Variants in PPP2R3B observed in about 807,000 individuals in gnomAD.
The protein encoded by PPP2R3B is serine/threonine-protein phosphatase 2A regulatory subunit B'' subunit beta.
A neutral mutation model predicts 72.9 loss-of-function variants in PPP2R3B; 68 were observed. The ratio of observed to expected loss-of-function variants is 0.93; its 90% confidence interval spans 0.77 to 1.14. The LOEUF (loss-of-function observed/expected upper bound fraction) is 1.14, where lower values mean the gene tolerates loss of function less well. Ranked by LOEUF, PPP2R3B falls within the 50% of genes most tolerant of loss-of-function variation. PPP2R3B has a pLI of 0.00. For missense variants in PPP2R3B, 1,018 were observed against 842.0 expected, an observed-to-expected ratio of 1.21 and a Z score of -2.59; for synonymous variants, 466 against 375.8, an observed-to-expected ratio of 1.24 and a Z score of -2.78.
At position 386,551 on chromosome X, in the gene PPP2R3B, C is replaced by T; in HGVS notation, c.141G>A (p.Pro47=). 2 of 1,432,996 alleles carry T rather than the reference C, an allele frequency of 1.4e-6. No homozygotes were observed. Among genetic ancestry groups the T allele is most frequent in the Non-Finnish European group, 1.8e-6 (2 of 1,090,988 alleles). The allele number at this position is 1,432,996 out of a possible 1,614,324, so 88.8% of individuals were successfully genotyped here. A position where few individuals can be genotyped will look rare whatever the true frequency, so the allele number is the denominator to read the frequency against. ...CGGGCTGCTCCCCGTCCCCCGGGGTCGGCTGGTCCCGCCCGGGCGCCTTGA... is the reference window on the plus strand; with the variant it reads ...CGGGCTGCTCCCCGTCCCCCGGGGTTGGCTGGTCCCGCCCGGGCGCCTTGA... ...RRIKAPGRDQ[P]TPGDGEQPGA... Residue 47 remains proline (P), a synonymous_variant, in exon 1 of 13, where the codon CCG becomes CCA. Transcript: ENST00000390665.
chrX:363,012 C>T (rs2071574579), intron 1 of PPP2R3B, among the ~76,000 whole-genome samples: 1 of 152,126 alleles, frequency 6.6e-6, no homozygotes, highest in East Asian at 1.9e-4. Flanking sequence ...CTGCAGGACC[C>T]TCACCCACGG....
chrX:344,010 C>T (rs1285639482), intron 7 of PPP2R3B, among the ~76,000 whole-genome samples: 1 of 139,324 alleles, frequency 7.2e-6, no homozygotes, highest in African/African-American at 2.7e-5. Context: ...AGGGAGACGT[C>T]GCCAAGGAGA....
chrX:346,098 G>GAA, intron 6 of PPP2R3B, 76 bp downstream of exon 6: 1 of 655,814 alleles, frequency 1.5e-6, no homozygotes, highest in Non-Finnish European at 2.3e-6. Flanking sequence ...GGAGGGGGGA[G>GAA]GAGGGAAGGG....
intron 6 of PPP2R3B, 28 bp from the exon 7 acceptor site, chrX:345,700 G>C: frequency 6.2e-7 from 1 of 1,609,038 alleles, no homozygotes; most frequent in East Asian, 2.2e-5. Context: ...CGGCCTGAGC[G>C]CGGGGCCTCT....
In PPP2R3B at chrX:346,262, T is replaced by G. The variant is rs1172842602; in HGVS notation, c.793-2A>C. ...GGCGTAGAAGATCCGCTGGATGACCTGCGGGGGCGCTGTCAGTGCGGTGGG... is the reference window on the plus strand; with the variant it reads ...GGCGTAGAAGATCCGCTGGATGACCGGCGGGGGCGCTGTCAGTGCGGTGGG... On this transcript the variant is annotated splice_acceptor_variant, in intron 5 of 12. Transcript: ENST00000390665. LOFTEE classifies it high-confidence loss of function. 17 of 1,563,510 alleles carry G rather than the reference T, an allele frequency of 1.1e-5. No individual in the cohort carries two copies. Among genetic ancestry groups the G allele is most frequent in the Non-Finnish European group, 1.5e-5 (17 of 1,155,890 alleles).
intron 1 of PPP2R3B, among the ~76,000 whole-genome samples, chrX:379,033 G>C (rs1350953182): frequency 1.1e-5 from 1 of 94,972 alleles, no homozygotes; most frequent in Non-Finnish European, 2.8e-5. Flanking sequence ...ATGCACCTGT[G>C]TGTGTGTATG....
At position 334,254 on chromosome X, in the gene PPP2R3B, T is replaced by G; in HGVS notation, c.*113A>C. 1 of 1,218,960 alleles carries G rather than the reference T, an allele frequency of 8.2e-7. No individual in the cohort carries two copies. The highest frequency in any genetic ancestry group is 1.1e-6 in the Non-Finnish European group (1 of 932,408). The allele number at this position is 1,218,960 out of a possible 1,614,324, so 75.5% of individuals were successfully genotyped here. On this transcript the variant is annotated 3_prime_UTR_variant, in exon 13 of 13. Transcript: ENST00000390665. ...ACACGCTTCTGTGAATAAATAAAAG[T>G]TTATCATTCCGTACAAACGCACTCA... is the stretch of plus-strand genomic sequence containing the variant.
chrX:362,987 C>A lies in PPP2R3B; in HGVS notation c.325-1397G>T, dbSNP rs186544157. Reference sequence around the variant, plus strand: ...TCCCACTGACAGCGCCTCAACTGTGCCCACCCTGCTGTCGCTGCAGGACCC... The same window carrying A: ...TCCCACTGACAGCGCCTCAACTGTGACCACCCTGCTGTCGCTGCAGGACCC... On this transcript the variant is annotated intron_variant, in intron 1 of 12. Transcript: ENST00000390665. Among the ~76,000 whole-genome samples, 469 of 152,174 alleles carry A rather than the reference C, an allele frequency of 3.1e-3. 3 individuals carry two copies. Among genetic ancestry groups the A allele is most frequent in the African/African-American group, 0.01 (428 of 41,512 alleles).
chrX:363,420 C>T (rs1200866316), intron 1 of PPP2R3B, among the ~76,000 whole-genome samples: 6 of 62,690 alleles, frequency 9.6e-5, no homozygotes, highest in East Asian at 5.1e-4. Context: ...AGTGCATCTC[C>T]CCGAGCCCGC....
chrX:347,819 C>G (rs937633728), intron 2 of PPP2R3B, 126 bp from the exon 3 acceptor site: 12 of 689,146 alleles, frequency 1.7e-5, no homozygotes, highest in Admixed American at 1.6e-4. Context: ...GCACGCTCAG[C>G]GCGGCCTGTC....
chrX:346,646 G>T (rs1343894966), intron 5 of PPP2R3B, 55 bp downstream of exon 5: 10 of 1,531,024 alleles, frequency 6.5e-6, no homozygotes, highest in Non-Finnish European at 8.9e-6. Context: ...GGCGGCCGCT[G>T]CAGAAACACC....
intron 5 of PPP2R3B, 108 bp from the exon 6 acceptor site, chrX:346,368 G>T: frequency 2.8e-6 from 3 of 1,081,242 alleles, no homozygotes; most frequent in Non-Finnish European, 1.3e-6. Context: ...TCAGCCGCAC[G>T]GGGCCGCCAG....
At chrX:363,430 C>T (rs2071593545) in intron 1 of PPP2R3B, among the ~76,000 whole-genome samples, 1 of 151,854 alleles carries the variant, frequency 6.6e-6, no homozygotes, top group African/African-American at 2.4e-5. Context: ...CCCGAGCCCG[C>T]GATCCCACAA....
rs748175892 is a variant in PPP2R3B at position 347,649 on chromosome X, G to A, written c.555C>T (p.Gly185=). 7.6e-5 allele frequency: 120 copies of A among 1,571,330 alleles called. No homozygotes were observed. Among genetic ancestry groups the A allele is most frequent in the African/African-American group, 1.6e-4 (12 of 73,990 alleles). Residue 185 remains glycine, a synonymous_variant, in exon 3 of 13, where the codon GGC becomes GGT. Coordinates refer to ENST00000390665, the MANE Select transcript of PPP2R3B (RefSeq NM_013239.5). ...PLYWKGPLFY[G]AGGERTGSVS... ...CGGAGCCCGTGCGCTCCCCGCCGGC[G>A]CCATAGAAGAGCGGCCCCTTCCAGT... is the stretch of plus-strand genomic sequence containing the variant.
At chrX:341,716 C>G (rs1414291379) in intron 8 of PPP2R3B, 167 bp downstream of exon 8, 1 of 794,306 alleles carries the variant, frequency 1.3e-6, no homozygotes, top group East Asian at 2.6e-5. Context: ...GCCACCCCCC[C>G]CCACTAGGGA....
chrX:347,352 G>A lies in PPP2R3B; in HGVS notation c.615-16C>T. On this transcript the variant is annotated splice_polypyrimidine_tract_variant and intron_variant, in intron 3 of 12. Transcript: ENST00000390665. ...CTGGAGGATTCTGGAAGGACAGGAT[G>A]ACTGGGCACCACCCTCACAGGGGGG... 6.2e-7 allele frequency: 1 copy of A among 1,611,692 alleles called. No individual in the cohort carries two copies. The highest frequency in any genetic ancestry group is 8.5e-7 in the Non-Finnish European group (1 of 1,177,974).
intron 1 of PPP2R3B, among the ~76,000 whole-genome samples, chrX:363,489 C>CATATCCACGAGTCCACG (rs2071597439): frequency 9.2e-4 from 2 of 2,182 alleles, no homozygotes; most frequent in African/African-American, 1.3e-3. Context: ...CCGAGCCCAG[C>CATATCCACGAGTCCACG]ATCCCACAAT....
chrX:343,780 G>C (rs1459811338), intron 7 of PPP2R3B, among the ~76,000 whole-genome samples: 6 of 16,196 alleles, frequency 3.7e-4, no homozygotes, highest in South Asian at 2.8e-3. Flanking sequence ...AACGGGAGGG[G>C]GGGAGGGAGA....
intron 1 of PPP2R3B, among the ~76,000 whole-genome samples, chrX:370,978 T>C (rs2071848716): frequency 6.6e-6 from 1 of 151,878 alleles, no homozygotes; most frequent in Admixed American, 6.6e-5. Flanking sequence ...CCAGGACAGG[T>C]GAAGAGGGGC....
Sources: allele counts gnomAD v4.1 joint callset (sites outside exome capture counted in the v4.1 genomes callset), GRCh38; gene constraint gnomAD v4.1.1; transcripts MANE v1.5; gene names NCBI Gene and HGNC (gene_info 2026-07-23, HGNC 2026-07-21).